RASSF3: variants seen among roughly 807,000 people sequenced by gnomAD.
The protein encoded by RASSF3 is Ras association domain family member 3.
RASSF3 carries 19 observed loss-of-function variants against 19.9 expected under a neutral mutation model. That is an observed-to-expected ratio of 0.96 (90% CI 0.67 to 1.40). The LOEUF (loss-of-function observed/expected upper bound fraction) is 1.40. RASSF3 is among the 40% of genes most tolerant of loss of function. RASSF3 has a pLI of 0.00. For synonymous variants in RASSF3, 110 were observed against 104.2 expected (o/e 1.06, Z -0.34); for missense variants, 306 against 289.8 (o/e 1.06, Z -0.41).
chr12:64,553,976 C>CA (rs1021865573), intron 2 of RASSF3, among the ~76,000 whole-genome samples: 25,771 of 83,078 alleles, frequency 0.31, 2,914 homozygotes, highest in Middle Eastern at 0.38. Context: ...GATCCTGTCT[C>CA]AAAAAAAAAA....
chr12:64,654,460 C>T lies in RASSF3; in HGVS notation c.112-30327C>T, dbSNP rs540131115. On this transcript the variant is annotated intron_variant, in intron 1 of 4. Transcript: ENST00000542104. ...GGTTTAAAGGCATGAACCACTGCCC[C>T]GGCCCCATAATCTGCCAAATTTTAG... Among the ~76,000 whole-genome samples, 8 of 152,106 alleles carry T rather than the reference C, an allele frequency of 5.3e-5. No individual in the cohort carries two copies. The South Asian group carries it at 6.2e-4, about 12-fold the overall frequency.
rs1019706915 is a variant in RASSF3 at position 64,601,403 on chromosome 12, T to G, written c.294+59698T>G. 2.0e-5 allele frequency among the ~76,000 whole-genome samples: 3 copies of G among 152,256 alleles called. No homozygotes were observed. In the South Asian group the frequency reaches 6.2e-4, roughly 31 times the overall value. The stretch of plus-strand genomic sequence containing the variant: ...GAGAGTCTGCTTTACTACCATGACT[T>G]AAGTTTTCAGAAGCTTTAGGTCTGA... On this transcript the variant is annotated intron_variant, in intron 2 of 5. Transcript: ENST00000637125.
intron 1 of RASSF3, among the ~76,000 whole-genome samples, chr12:64,528,013 A>C (rs1214572698): frequency 1.3e-5 from 2 of 151,870 alleles, no homozygotes; most frequent in African/African-American, 4.8e-5. Flanking sequence ...AATCCCAGCA[A>C]ATTGGGAGGC....
At chr12:64,546,714 G>A (rs1039699231) in intron 2 of RASSF3, among the ~76,000 whole-genome samples, 1 of 152,138 alleles carries the variant, frequency 6.6e-6, no homozygotes, top group Non-Finnish European at 1.5e-5. Flanking sequence ...TCTAAATCTT[G>A]TCAATATCTC....
At chr12:64,569,456 A>G (rs1334880209) in intron 2 of RASSF3, among the ~76,000 whole-genome samples, 1 of 152,010 alleles carries the variant, frequency 6.6e-6, no homozygotes, top group African/African-American at 2.4e-5. Flanking sequence ...GCCCCTTCCC[A>G]CCTGGCTGCT....
chr12:64,575,408 C>T (rs1869579598), intron 2 of RASSF3, among the ~76,000 whole-genome samples: 1 of 152,104 alleles, frequency 6.6e-6, no homozygotes, highest in Admixed American at 6.6e-5. Context: ...AAAAAATTAG[C>T]CAGGCGTGGT....
intron 2 of RASSF3, among the ~76,000 whole-genome samples, chr12:64,579,343 G>GTTTTT (rs1213843199): frequency 7.9e-6 from 1 of 126,396 alleles, no homozygotes; most frequent in African/African-American, 3.0e-5. Flanking sequence ...CAATAGCCAA[G>GTTTTT]TTCTTTTTTT....
chr12:64,585,537 A>G (rs1161107037), intron 2 of RASSF3, among the ~76,000 whole-genome samples: 1 of 151,576 alleles, frequency 6.6e-6, no homozygotes, highest in African/African-American at 2.4e-5. Flanking sequence ...AAGAGGGGGG[A>G]AAATGAGAAG....
intron 1 of RASSF3, among the ~76,000 whole-genome samples, chr12:64,527,429 C>T (rs975150901): frequency 2.0e-5 from 3 of 152,184 alleles, no homozygotes; most frequent in Admixed American, 6.5e-5. Context: ...ATATGGCACA[C>T]AGTAAGTGCA....
At position 64,601,318 on chromosome 12, in the gene RASSF3, G is replaced by T. The variant is rs578229533; in HGVS notation, c.294+59613G>T. Among the ~76,000 whole-genome samples, 3 of 152,226 alleles carry T rather than the reference G, an allele frequency of 2.0e-5. No individual in the cohort carries two copies. The East Asian group carries it at 5.8e-4, about 29-fold the overall frequency. On this transcript the variant is annotated intron_variant, in intron 2 of 5. Coordinates refer to the RASSF3 transcript ENST00000637125. ...TATGTAATAAAAAATTTAAAAAATA[G>T]AAACCATTCTAGTAGTTATTGCTAT...
At chr12:64,624,597 T>A (rs1455312087) in intron 1 of RASSF3, among the ~76,000 whole-genome samples, 1 of 151,750 alleles carries the variant, frequency 6.6e-6, no homozygotes, top group African/African-American at 2.4e-5. Flanking sequence ...TCTTTGAGCC[T>A]CAGTTTCCTC....
intron 2 of RASSF3, among the ~76,000 whole-genome samples, chr12:64,604,763 G>C (rs1344107291): frequency 6.6e-6 from 1 of 151,034 alleles, no homozygotes; most frequent in Non-Finnish European, 1.5e-5. Context: ...TCAGCCTCCC[G>C]AGTAGCTGGG....
intron 1 of RASSF3, among the ~76,000 whole-genome samples, chr12:64,539,540 G>T (rs1362972206): frequency 6.6e-6 from 1 of 152,122 alleles, no homozygotes; most frequent in Non-Finnish European, 1.5e-5. Flanking sequence ...ACCTTGGGAG[G>T]CCAAGGGGGC....
chr12:64,543,646 G>T (rs1868995721), downstream of RASSF3, among the ~76,000 whole-genome samples: 1 of 149,410 alleles, frequency 6.7e-6, no homozygotes. Flanking sequence ...CGGGCGCACG[G>T]CGCGGGACTG....
At chr12:64,686,566 G>A (rs1873362757) in intron 2 of RASSF3, among the ~76,000 whole-genome samples, 2 of 152,070 alleles carry the variant, frequency 1.3e-5, no homozygotes, top group African/African-American at 2.4e-5. Context: ...AGGCAAGATC[G>A]TGCCACTGCA....
intron 2 of RASSF3, among the ~76,000 whole-genome samples, chr12:64,687,468 G>C (rs1873403681): frequency 6.7e-6 from 1 of 148,426 alleles, no homozygotes; most frequent in Non-Finnish European, 1.5e-5. Flanking sequence ...GTTTTGTTTT[G>C]TTTTTGTTTT....
intron 1 of RASSF3, among the ~76,000 whole-genome samples, chr12:64,650,389 A>C (rs1476728905): frequency 1.6e-5 from 2 of 126,510 alleles, no homozygotes; most frequent in Admixed American, 1.7e-4. Flanking sequence ...CTCAGCCAGG[A>C]GGTGTTTCTT....
intron 2 of RASSF3, among the ~76,000 whole-genome samples, chr12:64,594,343 A>G (rs1377136074): frequency 1.3e-5 from 2 of 152,108 alleles, no homozygotes; most frequent in South Asian, 2.1e-4. Flanking sequence ...CAGAAAAAAA[A>G]GGGGTGGGGT....
intron 1 of RASSF3, among the ~76,000 whole-genome samples, chr12:64,539,970 C>G (rs917872801): frequency 9.9e-5 from 15 of 151,800 alleles, no homozygotes; most frequent in Non-Finnish European, 2.1e-4. Flanking sequence ...TCAGGCAGTC[C>G]CATCACTCAT....
Sources: gnomAD v4.1 joint callset for allele counts (sites outside exome capture counted in the v4.1 genomes callset) on GRCh38, gnomAD v4.1.1 for gene constraint, MANE v1.5 for transcripts, NCBI Gene and HGNC (gene_info 2026-07-23, HGNC 2026-07-21) for gene names.